Variants in TNKS2 observed in about 807,000 individuals in gnomAD.
TNKS2 encodes tankyrase 2, also known as poly [ADP-ribose] polymerase tankyrase-2.
In TNKS2, 72 loss-of-function variants were observed where a neutral mutation model predicts 137.6. That is an observed-to-expected ratio of 0.52 (90% CI 0.43 to 0.64). The LOEUF is 0.64. TNKS2 is among the 30% of genes least tolerant of loss of function. The pLI is 0.00. For synonymous variants in TNKS2, 516 were observed against 512.1 expected (o/e 1.01, Z -0.10); for missense variants, 1,049 against 1,410.2 (o/e 0.74, Z 4.10).
chr10:91,812,037 C>T lies in TNKS2; in HGVS notation c.200-946C>T, dbSNP rs186773578. On this transcript the variant is annotated intron_variant, in intron 1 of 26. Coordinates refer to ENST00000371627, the MANE Select transcript of TNKS2 (RefSeq NM_025235.4). ...ATCGTGCCACGCACTCCAGCCTGGGCGACAGAGCGACACTCCGTCTCAAAA... is the reference window on the plus strand; with the variant it reads ...ATCGTGCCACGCACTCCAGCCTGGGTGACAGAGCGACACTCCGTCTCAAAA... 1.6e-4 allele frequency among the ~76,000 whole-genome samples: 23 copies of T among 144,512 alleles called. No homozygotes were observed. The South Asian group carries it at 2.7e-3, about 17-fold the overall frequency. 94.8% of individuals were successfully genotyped at this position (144,512 alleles called of 152,430 possible). A position where few individuals can be genotyped will look rare whatever the true frequency, so the allele number is the denominator to read the frequency against.
At chr10:91,801,354 C>T (rs1384717717) in intron 1 of TNKS2, among the ~76,000 whole-genome samples, 1 of 152,062 alleles carries the variant, frequency 6.6e-6, no homozygotes, top group East Asian at 1.9e-4. Context: ...GCATACTTTT[C>T]TTCTAGATAA....
chr10:91,806,427 T>C (rs1278515385), intron 1 of TNKS2, among the ~76,000 whole-genome samples: 1 of 151,974 alleles, frequency 6.6e-6, no homozygotes, highest in Non-Finnish European at 1.5e-5. Flanking sequence ...AGATGGAAAA[T>C]ATGTAGTAAA....
intron 1 of TNKS2, chr10:91,807,372 A>G (rs556966774): frequency 1.9e-6 from 3 of 1,614,162 alleles, no homozygotes; most frequent in Non-Finnish European, 2.5e-6. Context: ...ACGTGCCTTC[A>G]TAGGGTCAGC....
rs1167745682 is a variant in TNKS2, at chr10:91,827,099, GTTCTC to G, written c.886_890del (p.Leu296LysfsTer14). Reference sequence around the variant, plus strand: ...GCTTCTAAGAACAGGGTTGAAGTATGTTCTCTTCTCTTAAGTTATGGTGCAGACCC... The same window carrying G: ...GCTTCTAAGAACAGGGTTGAAGTATGTTCTCTTAAGTTATGGTGCAGACCC... On this transcript the variant is annotated frameshift_variant, in exon 8 of 27. Coordinates refer to ENST00000371627, the MANE Select transcript of TNKS2 (RefSeq NM_025235.4). LOFTEE classifies it high-confidence loss of function. 5.0e-6 allele frequency: 8 copies of G among 1,611,818 alleles called. No homozygotes were observed. Among genetic ancestry groups the G allele is most frequent in the East Asian group, 2.2e-5 (1 of 44,806 alleles).
At position 91,807,906 on chromosome 10, in the gene TNKS2, G is replaced by A. The variant is rs11819109; in HGVS notation, c.200-5077G>A. Among the ~76,000 whole-genome samples, 310 of 151,410 alleles carry A rather than the reference G, an allele frequency of 2.0e-3. 2 individuals are homozygous for A. Among genetic ancestry groups the A allele is most frequent in the African/African-American group, 7.4e-3 (306 of 41,200 alleles). The stretch of plus-strand genomic sequence containing the variant: ...AGCTACTCTGGAGGCTGAAGCAGGA[G>A]AATGGCATGAACCCGGGAGGCAGAG... On this transcript the variant is annotated intron_variant, in intron 1 of 26. Coordinates refer to ENST00000371627, the MANE Select transcript of TNKS2 (RefSeq NM_025235.4).
intron 6 of TNKS2, among the ~76,000 whole-genome samples, chr10:91,820,995 C>T (rs1844871291): frequency 6.6e-6 from 1 of 152,096 alleles, no homozygotes; most frequent in Non-Finnish European, 1.5e-5. Context: ...GTTGAATTGA[C>T]TTCTAGAACT....
intron 17 of TNKS2, 119 bp from the exon 18 acceptor site, chr10:91,845,633 C>CT (rs1486203484): frequency 4.3e-5 from 34 of 791,438 alleles, no homozygotes; most frequent in Non-Finnish European, 6.1e-5. Context: ...AAGAGTTTTT[C>CT]TTTTCATTTC....
Position 91,865,316 on chromosome 10 carries a change from T to C in TNKS2, c.*2317T>C, listed in dbSNP as rs1194713568. 2.6e-5 allele frequency: 4 copies of C among 152,632 alleles called. No individual in the cohort carries two copies. Among genetic ancestry groups the C allele is most frequent in the African/African-American group, 9.6e-5 (4 of 41,452 alleles). 9.5% of individuals were successfully genotyped at this position (152,632 alleles called of 1,614,324 possible). A position where few individuals can be genotyped will look rare whatever the true frequency, so the allele number is the denominator to read the frequency against. On this transcript the variant is annotated 3_prime_UTR_variant, in exon 27 of 27. Transcript: ENST00000371627. ...GGTAATTACTGGAATAGTATAAATGTGTTGAATGGTCTTTGAGAAAATGAA... is the reference window on the plus strand; with the variant it reads ...GGTAATTACTGGAATAGTATAAATGCGTTGAATGGTCTTTGAGAAAATGAA...
chr10:91,856,180 A>G (rs1428878621), intron 23 of TNKS2, among the ~76,000 whole-genome samples: 1 of 152,184 alleles, frequency 6.6e-6, no homozygotes, highest in Non-Finnish European at 1.5e-5. Flanking sequence ...TGAGTCATTT[A>G]GTGACTGCTG....
intron 1 of TNKS2, among the ~76,000 whole-genome samples, chr10:91,809,474 G>A (rs1475714796): frequency 6.6e-6 from 1 of 151,964 alleles, no homozygotes; most frequent in African/African-American, 2.4e-5. Context: ...AGACCATCTT[G>A]GCTAACACGG....
chr10:91,812,999 C>A lies in TNKS2; in HGVS notation c.216C>A (p.Asp72Glu). 1.2e-6 allele frequency: 2 copies of A among 1,614,082 alleles called. No homozygotes were observed. The highest frequency in any genetic ancestry group is 1.7e-6 in the Non-Finnish European group (2 of 1,179,996). Residue 72 changes from aspartate (D) to glutamate (E), a missense_variant, in exon 2 of 27, where the codon GAC becomes GAA. Around this residue, in one of 6 missense-constraint regions of TNKS2, gnomAD observed 374 missense variants for 460.8 expected, o/e 0.81. Transcript: ENST00000371627. ...TTCATCTAGGTTTTGGGCGGAAAGA[C>A]GTAGTTGAATATTTGCTTCAGAATG... The part of the protein sequence containing the change: ...LHFAAGFGRK[D>E]VVEYLLQNGA...
At chr10:91,828,236 C>A in intron 8 of TNKS2, 49 bp from the exon 9 acceptor site, 2 of 1,414,942 alleles carry the variant, frequency 1.4e-6, no homozygotes, top group South Asian at 1.7e-5. Context: ...TTAGATAAGG[C>A]TTTTCAATTT....
At chr10:91,856,163 A>G (rs1460879923) in intron 23 of TNKS2, among the ~76,000 whole-genome samples, 2 of 152,146 alleles carry the variant, frequency 1.3e-5, no homozygotes, top group Non-Finnish European at 2.9e-5. Flanking sequence ...ATATTTTAAA[A>G]ATGTTTTGAG....
chr10:91,832,384 C>G (rs1841836706), intron 11 of TNKS2, among the ~76,000 whole-genome samples: 1 of 151,932 alleles, frequency 6.6e-6, no homozygotes, highest in South Asian at 2.1e-4. Context: ...TTTGGGAACA[C>G]AGGACTTTCA....
At chr10:91,813,279 C>T in intron 2 of TNKS2, 72 bp downstream of exon 2, 1 of 1,249,780 alleles carries the variant, frequency 8.0e-7, no homozygotes. Flanking sequence ...TTAATCTGTT[C>T]ATATCATCAA....
intron 1 of TNKS2, among the ~76,000 whole-genome samples, chr10:91,809,937 C>A (rs80279869): frequency 0.02 from 2,989 of 152,162 alleles, 63 homozygotes; most frequent in Middle Eastern, 0.075. Context: ...TCTTTTGGGT[C>A]TTTGTGAGGG....
At chr10:91,819,683 TCAGTATTTC>T in intron 5 of TNKS2, 126 bp downstream of exon 5, 1 of 846,140 alleles carries the variant, frequency 1.2e-6, no homozygotes, top group Non-Finnish European at 1.8e-6. Context: ...TTCAGTATTT[TCAGTATTTC>T]AAATTCTTAA....
In TNKS2 at chr10:91,842,328, TCTC is replaced by T; in HGVS notation, c.1999_2001del (p.Pro667del). The stretch of plus-strand genomic sequence containing the variant: ...TTTAGCCAGAGTGAAGAAGTTGTCT[TCTC>T]CTGATAATGTAAATTGCCGCGATAC... On this transcript the variant is annotated inframe_deletion, in exon 16 of 27. Coordinates refer to ENST00000371627, the MANE Select transcript of TNKS2 (RefSeq NM_025235.4). The T allele has an allele frequency of 1.9e-6, 3 of 1,614,140 alleles. No homozygotes were observed. The South Asian group carries it at 3.3e-5, about 18-fold the overall frequency.
Position 91,798,719 on chromosome 10 carries a change from G to A in TNKS2, c.29G>A (p.Gly10Glu). Residue 10 changes from glycine to glutamate, a missense_variant, in exon 1 of 27, where the codon GGA becomes GAA. By Grantham distance (98) the Gly-to-Glu change is moderately conservative. Around this residue, in one of 6 missense-constraint regions of TNKS2, gnomAD observed 374 missense variants for 460.8 expected, o/e 0.81. Coordinates refer to ENST00000371627, the MANE Select transcript of TNKS2 (RefSeq NM_025235.4). ...TCGGGTCGCCGCTGCGCCGGCGGGGGAGCGGCCTGCGCGAGCGCCGCGGCC... is the reference window on the plus strand; with the variant it reads ...TCGGGTCGCCGCTGCGCCGGCGGGGAAGCGGCCTGCGCGAGCGCCGCGGCC... Reference protein sequence around the residue: MSGRRCAGGGAACASAAAEA... With the variant: MSGRRCAGGEAACASAAAEA... 1 of 1,239,938 alleles carries A rather than the reference G, an allele frequency of 8.1e-7. No homozygotes were observed. The highest frequency in any genetic ancestry group is 1.0e-6 in the Non-Finnish European group (1 of 987,912). 76.8% of individuals were successfully genotyped at this position (1,239,938 alleles called of 1,614,324 possible). A position where few individuals can be genotyped will look rare whatever the true frequency, so the allele number is the denominator to read the frequency against.
Sources: gnomAD v4.1 joint callset for allele counts (sites outside exome capture counted in the v4.1 genomes callset) on GRCh38, gnomAD v4.1.1 for gene constraint, gnomAD v4.1.1 regional missense constraint, MANE v1.5 for transcripts, NCBI Gene and HGNC (gene_info 2026-07-23, HGNC 2026-07-21) for gene names.